The following DLD variants were observed in gnomAD, a reference collection of about 807,000 sequenced individuals.
DLD encodes dihydrolipoamide dehydrogenase.
Under a neutral mutation model 62.2 loss-of-function variants are expected in DLD, and 36 were observed. That is an observed-to-expected ratio of 0.58 (90% CI 0.44 to 0.76). The LOEUF (loss-of-function observed/expected upper bound fraction) is 0.76. Ranked by LOEUF, DLD falls within the 30% of genes least tolerant of loss-of-function variation. The probability of loss-of-function intolerance (pLI) is 0.00; values close to 1 mark genes in which losing one functional copy is unlikely to be tolerated. For synonymous variants in DLD, 204 were observed against 199.6 expected, an observed-to-expected ratio of 1.02 and a Z score of -0.19; for missense variants, 541 against 608.6, an observed-to-expected ratio of 0.89 and a Z score of 1.17.
At position 107,906,379 on chromosome 7, in the gene DLD, T is replaced by G. The variant is rs1398914978; in HGVS notation, c.684+11T>G. On this transcript the variant is annotated intron_variant, in intron 8 of 13. Coordinates refer to ENST00000205402, the MANE Select transcript of DLD (RefSeq NM_000108.5). ...ATAGGTGTAGAATTGGTAAGTGTTG[T>G]CTTTCTGCCTCTTATTACCTCCTTG... is the stretch of plus-strand genomic sequence containing the variant. The G allele has an allele frequency of 3.9e-6, 6 of 1,530,226 alleles. No individual in the cohort carries two copies. Among genetic ancestry groups the G allele is most frequent in the Non-Finnish European group, 5.4e-6 (6 of 1,104,046 alleles). 94.8% of individuals were successfully genotyped at this position (1,530,226 alleles called of 1,614,324 possible).
intron 8 of DLD, 109 bp from the exon 9 acceptor site, chr7:107,915,397 A>G (rs1228562054): frequency 8.5e-7 from 1 of 1,177,048 alleles, no homozygotes; most frequent in Non-Finnish European, 1.2e-6. Context: ...TCTCATAGGA[A>G]CATACTAGCG....
chr7:107,904,759 T>C (rs945614180), intron 5 of DLD, 199 bp from the exon 6 acceptor site: 21 of 648,298 alleles, frequency 3.2e-5, no homozygotes, highest in Middle Eastern at 2.4e-4. Context: ...AGACATTTTA[T>C]AGTGTTTGAT....
rs1193912163 is a variant in DLD at position 107,920,732 on chromosome 7, C to T, written c.*1473C>T. On this transcript the variant is annotated 3_prime_UTR_variant, in exon 14 of 14. Coordinates refer to ENST00000205402, the MANE Select transcript of DLD (RefSeq NM_000108.5). ...GCCTTCTGATCCTTAACCAATAAAA[C>T]TTGGCTTTTGTTTCCCCCTCAAGTG... 2.0e-5 allele frequency: 3 copies of T among 152,252 alleles called. No individual in the cohort carries two copies. The highest frequency in any genetic ancestry group is 4.4e-5 in the Non-Finnish European group (3 of 68,058). The allele number at this position is 152,252 out of a possible 1,614,324, so 9.4% of individuals were successfully genotyped here.
chr7:107,911,626 G>A (rs967330259), intron 8 of DLD, among the ~76,000 whole-genome samples: 5 of 151,710 alleles, frequency 3.3e-5, no homozygotes, highest in Non-Finnish European at 5.9e-5. Flanking sequence ...CTGACACTTG[G>A]TATTGTCATT....
intron 2 of DLD, among the ~76,000 whole-genome samples, chr7:107,896,175 G>C (rs1371002666): frequency 1.3e-5 from 2 of 152,342 alleles, no homozygotes; most frequent in East Asian, 3.9e-4. Flanking sequence ...CAAGACACTG[G>C]AGAACCAACA....
intron 5 of DLD, chr7:107,903,888 G>C: frequency 3.8e-6 from 1 of 260,610 alleles, no homozygotes; most frequent in African/African-American, 2.3e-5. Context: ...CTGGATTCCT[G>C]AGTACTATGG....
intron 2 of DLD, 76 bp from the exon 3 acceptor site, chr7:107,901,662 G>A: frequency 8.3e-7 from 1 of 1,208,006 alleles, no homozygotes; most frequent in Admixed American, 1.7e-5. Context: ...CGGGTTATTT[G>A]TTTGCTCTTC....
intron 1 of DLD, chr7:107,891,540 T>A: frequency 3.4e-6 from 2 of 591,188 alleles, no homozygotes; most frequent in African/African-American, 1.9e-5. Flanking sequence ...CGGCCGGCGG[T>A]CACACATGCC....
chr7:107,903,299 G>A (rs1041922881), intron 4 of DLD, among the ~76,000 whole-genome samples, 179 bp from the exon 5 acceptor site: 5 of 152,280 alleles, frequency 3.3e-5, no homozygotes, highest in African/African-American at 1.2e-4. Context: ...AATTGCTTGA[G>A]CCCGGGAGGC....
At chr7:107,894,380 A>T (rs1449205258) in intron 2 of DLD, among the ~76,000 whole-genome samples, 3 of 152,200 alleles carry the variant, frequency 2.0e-5, no homozygotes, top group Non-Finnish European at 2.9e-5. Flanking sequence ...TTATCCAACC[A>T]TTATCATTTT....
chr7:107,906,892 C>T (rs1438209588), intron 8 of DLD, among the ~76,000 whole-genome samples: 1 of 152,196 alleles, frequency 6.6e-6, no homozygotes, highest in Non-Finnish European at 1.5e-5. Context: ...AATGACCTCC[C>T]TCCATTTTAG....
At position 107,905,886 on chromosome 7, in the gene DLD, C is replaced by A. The variant is rs1432410470; in HGVS notation, c.583-381C>A. The A allele has an allele frequency of 1.6e-5, 5 of 322,360 alleles. No individual in the cohort carries two copies. In the East Asian group the frequency reaches 3.9e-4, roughly 25 times the overall value. 20.0% of individuals were successfully genotyped at this position (322,360 alleles called of 1,614,324 possible). On this transcript the variant is annotated intron_variant, in intron 7 of 13. Transcript: ENST00000205402. ...CAGTTTATAAATACATTTATCTCTT[C>A]ATATCCTTGGAGGATTGGTTCCAGG... is the stretch of plus-strand genomic sequence containing the variant.
rs563348565 is a variant in DLD, at chr7:107,892,923, A to G, written c.40-277A>G. Among the ~76,000 whole-genome samples the G allele has an allele frequency of 3.3e-5, 5 of 152,330 alleles. No individual in the cohort carries two copies. The South Asian group carries it at 1.0e-3, about 32-fold the overall frequency. On this transcript the variant is annotated intron_variant, in intron 1 of 13. Coordinates refer to ENST00000205402, the MANE Select transcript of DLD (RefSeq NM_000108.5). Reference sequence around the variant, plus strand: ...TTTCTGAAAATTGAATAAAAATACCATTGAATACGTTTTTAAAATTAAGTT... The same window carrying G: ...TTTCTGAAAATTGAATAAAAATACCGTTGAATACGTTTTTAAAATTAAGTT...
In DLD at chr7:107,912,046, G is replaced by T. The variant is rs537098797; in HGVS notation, c.685-3460G>T. On this transcript the variant is annotated intron_variant, in intron 8 of 13. Coordinates refer to ENST00000205402, the MANE Select transcript of DLD (RefSeq NM_000108.5). ...CTATCTCCATGAGTTCAGTTTGTTT[G>T]TTTTTTTTTTTAGCTCCCACATGTT... Among the ~76,000 whole-genome samples the T allele has an allele frequency of 5.1e-4, 72 of 141,458 alleles. No individual in the cohort carries two copies. In the South Asian group the frequency reaches 0.012, roughly 24 times the overall value. The allele number at this position is 141,458 out of a possible 152,430, so 92.8% of individuals were successfully genotyped here. A position where few individuals can be genotyped will look rare whatever the true frequency, so the allele number is the denominator to read the frequency against.
At chr7:107,898,270 CTTTTTTTTTTT>C (rs67913323) in intron 2 of DLD, among the ~76,000 whole-genome samples, 8 of 65,572 alleles carry the variant, frequency 1.2e-4, no homozygotes, top group African/African-American at 4.5e-4. Flanking sequence ...TTTCTGTATC[CTTTTTTTTTTT>C]TTTTTTTTTT....
At chr7:107,913,672 G>A (rs961068104) in intron 8 of DLD, among the ~76,000 whole-genome samples, 1 of 152,022 alleles carries the variant, frequency 6.6e-6, no homozygotes, top group African/African-American at 2.4e-5. Context: ...CATGTAGTCT[G>A]CACAAAAGAT....
intron 8 of DLD, among the ~76,000 whole-genome samples, chr7:107,907,286 G>A (rs916196148): frequency 6.6e-6 from 1 of 152,134 alleles, no homozygotes; most frequent in Non-Finnish European, 1.5e-5. Context: ...CTACTCATTG[G>A]TACTTGTATT....
At chr7:107,910,379 T>C (rs896552462) in intron 8 of DLD, among the ~76,000 whole-genome samples, 2 of 152,220 alleles carry the variant, frequency 1.3e-5, no homozygotes, top group African/African-American at 4.8e-5. Flanking sequence ...GCCTTGAGTC[T>C]TTTGACACAA....
At chr7:107,897,440 T>C (rs2031754270) in intron 2 of DLD, among the ~76,000 whole-genome samples, 1 of 152,214 alleles carries the variant, frequency 6.6e-6, no homozygotes, top group African/African-American at 2.4e-5. Flanking sequence ...TTTCAACCTT[T>C]TCTTCCTCTG....
Sources: gnomAD v4.1 joint callset for allele counts (sites outside exome capture counted in the v4.1 genomes callset) on GRCh38, gnomAD v4.1.1 for gene constraint, MANE v1.5 for transcripts, NCBI Gene and HGNC (gene_info 2026-07-23, HGNC 2026-07-21) for gene names.